The following TMPRSS5 variants were observed in gnomAD, a reference collection of about 807,000 sequenced individuals.
The protein encoded by TMPRSS5 is transmembrane serine protease 5, also known as transmembrane protease serine 5.
In TMPRSS5, 45 loss-of-function variants were observed where a neutral mutation model predicts 59.7. The ratio of observed to expected loss-of-function variants is 0.75; its 90% CI spans 0.59 to 0.97. The LOEUF (loss-of-function observed/expected upper bound fraction) is 0.97. Among genes scored for constraint, TMPRSS5 ranks in the 50% least tolerant of loss-of-function variants. The pLI, the probability that TMPRSS5 is intolerant of heterozygous loss-of-function variation, is 0.00. For synonymous variants in TMPRSS5, 225 were observed against 232.0 expected (o/e 0.97, Z 0.27); for missense variants, 585 against 596.7 (o/e 0.98, Z 0.20).
Position 113,698,934 on chromosome 11 carries a change from T to G in TMPRSS5, c.299A>C (p.Glu100Ala), listed in dbSNP as rs746678673. ...TTTGGGAAGTGCAGGGAGCAGAGCT[T>G]CCTCAGCGCTGGCCTCTGAGCAGCT... ...TLSCSEASAEEALLPALPKTV... is the reference protein window; with the variant it reads ...TLSCSEASAEAALLPALPKTV... The change falls in exon 4 of 13, where the codon GAA becomes GCA. Residue 100 changes from glutamate to alanine, a missense_variant. Coordinates refer to ENST00000299882, the MANE Select transcript of TMPRSS5 (RefSeq NM_030770.4). 12 of 1,594,156 alleles carry G rather than the reference T, an allele frequency of 7.5e-6. No individual in the cohort carries two copies. Among genetic ancestry groups the G allele is most frequent in the Admixed American group, 1.7e-5 (1 of 57,234 alleles).
At chr11:113,702,557 G>A (rs536266808) in intron 1 of TMPRSS5, among the ~76,000 whole-genome samples, 30 of 152,222 alleles carry the variant, frequency 2.0e-4, no homozygotes, top group Non-Finnish European at 3.7e-4. Flanking sequence ...GTAATGAAGA[G>A]CTAAATGTTA....
At chr11:113,697,567 G>A in intron 4 of TMPRSS5, 149 bp from the exon 5 acceptor site, 1 of 842,598 alleles carries the variant, frequency 1.2e-6, no homozygotes, top group Admixed American at 2.5e-5. Context: ...TCCCCGGAGA[G>A]TGAGACCAGT....
rs1227746786 is a variant in TMPRSS5 at position 113,690,850 on chromosome 11, G to A, written c.1054C>T (p.Pro352Ser). Residue 352 changes from proline to serine, a missense_variant, in exon 10 of 13, where the codon CCT (proline) becomes TCT (serine). Physicochemically the swap from Pro to Ser is moderately conservative, Grantham distance 74. Transcript: ENST00000299882. The part of the protein sequence containing the change: ...CWVSGWGHTH[P>S]SHTYSSDMLQ... ...CAGGGAGCTGACTCACTATGGCTAG[G>A]GTGGGTGTGGCCCCAGCCAGACACC... 1 of 1,587,348 alleles carries A rather than the reference G, an allele frequency of 6.3e-7. No individual in the cohort carries two copies. The highest frequency in any genetic ancestry group is 1.3e-5 in the African/African-American group (1 of 74,638).
intron 9 of TMPRSS5, among the ~76,000 whole-genome samples, chr11:113,692,294 G>A (rs925412904): frequency 6.6e-6 from 1 of 152,228 alleles, no homozygotes; most frequent in Non-Finnish European, 1.5e-5. Flanking sequence ...AATGACGGGA[G>A]GAAGGAGTGT....
At chr11:113,696,397 A>G (rs1952930186) in intron 6 of TMPRSS5, among the ~76,000 whole-genome samples, 1 of 151,978 alleles carries the variant, frequency 6.6e-6, no homozygotes, top group Admixed American at 6.5e-5. Context: ...ACTACAAGCA[A>G]CTCTTAGCCA....
intron 7 of TMPRSS5, 86 bp from the exon 8 acceptor site, chr11:113,694,726 T>C: frequency 7.4e-7 from 1 of 1,346,592 alleles, no homozygotes; most frequent in South Asian, 1.5e-5. Flanking sequence ...GGCCCAGTGC[T>C]AAGCCCCAGA....
intron 7 of TMPRSS5, 51 bp downstream of exon 7, chr11:113,695,349 G>GA: frequency 6.3e-7 from 1 of 1,593,146 alleles, no homozygotes; most frequent in Non-Finnish European, 8.6e-7. Flanking sequence ...GAGGCAGGGG[G>GA]AACACCCCTT....
At position 113,693,070 on chromosome 11, in the gene TMPRSS5, C is replaced by T; in HGVS notation, c.964+1G>A. The T allele has an allele frequency of 6.4e-7, 1 of 1,563,182 alleles. No individual in the cohort carries two copies. The highest frequency in any genetic ancestry group is 8.7e-7 in the Non-Finnish European group (1 of 1,153,220). ...TGCCCACCCTCAAGCCAGTGCCGCA[C>T]CTGAGAAGTTGAGAGCGGTCTGGAG... On this transcript the variant is annotated splice_donor_variant, in intron 9 of 12. Transcript: ENST00000299882. LOFTEE classifies it high-confidence loss of function.
chr11:113,697,771 A>ATGGATCCAGGACT (rs1952971006), intron 4 of TMPRSS5, among the ~76,000 whole-genome samples: 1 of 152,180 alleles, frequency 6.6e-6, no homozygotes, highest in Non-Finnish European at 1.5e-5. Context: ...TCAGGAAATG[A>ATGGATCCAGGACT]TGGATCCAGG....
chr11:113,697,115 A>T (rs1952950079), intron 5 of TMPRSS5, 144 bp from the exon 6 acceptor site: 1 of 1,231,844 alleles, frequency 8.1e-7, no homozygotes, highest in Admixed American at 2.0e-5. Context: ...CTCCAAACAG[A>T]GAAATGGGCT....
At chr11:113,704,757 G>T (rs544574540) in intron 1 of TMPRSS5, among the ~76,000 whole-genome samples, 110 of 151,542 alleles carry the variant, frequency 7.3e-4, no homozygotes, top group African/African-American at 2.4e-3. Context: ...GCCCTATATT[G>T]TGCTCATTTA....
At chr11:113,697,814 G>C (rs1158141231) in intron 4 of TMPRSS5, among the ~76,000 whole-genome samples, 1 of 152,110 alleles carries the variant, frequency 6.6e-6, no homozygotes, top group Non-Finnish European at 1.5e-5. Context: ...TTCAAATCTT[G>C]TGATAATAAT....
At chr11:113,702,079 T>A (rs980495148) in intron 1 of TMPRSS5, among the ~76,000 whole-genome samples, 1 of 152,208 alleles carries the variant, frequency 6.6e-6, no homozygotes, top group Non-Finnish European at 1.5e-5. Flanking sequence ...CTGAGAATAA[T>A]GGCTTCCAGC....
At chr11:113,699,517 T>A (rs1032500273) in intron 3 of TMPRSS5, 78 bp downstream of exon 3, 181 of 1,230,886 alleles carry the variant, frequency 1.5e-4, no homozygotes, top group Non-Finnish European at 1.9e-4. Context: ...AGTTGTCCCA[T>A]TTACCTTTAA....
chr11:113,704,058 T>G (rs931737114), intron 1 of TMPRSS5, among the ~76,000 whole-genome samples: 6 of 152,118 alleles, frequency 3.9e-5, no homozygotes, highest in African/African-American at 1.2e-4. Flanking sequence ...TGAAGAGGGT[T>G]TGAGCTGATA....
rs540292054 is a variant in TMPRSS5, at chr11:113,705,581, A to G, written c.3+641T>C. Among the ~76,000 whole-genome samples, 14 of 152,268 alleles carry G rather than the reference A, an allele frequency of 9.2e-5. No homozygotes were observed. In the South Asian group the frequency reaches 2.7e-3, roughly 29 times the overall value. On this transcript the variant is annotated intron_variant, in intron 1 of 12. Transcript: ENST00000299882. ...ATTCTTTCTTGTGCCTACAGATGAG[A>G]CTCACAGGACACAGGCAGTGAGGCT...
intron 1 of TMPRSS5, among the ~76,000 whole-genome samples, chr11:113,700,555 A>C (rs1953103744): frequency 6.6e-6 from 1 of 152,152 alleles, no homozygotes; most frequent in African/African-American, 2.4e-5. Flanking sequence ...TCTCAGAGGA[A>C]GAAGTGCCCC....
chr11:113,694,449 C>G (rs1253236645), intron 8 of TMPRSS5, 29 bp downstream of exon 8: 3 of 1,551,550 alleles, frequency 1.9e-6, no homozygotes, highest in Middle Eastern at 1.8e-4. Flanking sequence ...AACTGAGGCT[C>G]TCTGTCCTCA....
chr11:113,690,052 A>G, intron 11 of TMPRSS5, 135 bp from the exon 12 acceptor site: 1 of 1,259,060 alleles, frequency 7.9e-7, no homozygotes, highest in South Asian at 1.5e-5. Context: ...TGCTGGCCTC[A>G]CCCCTCCTTA....
Sources: allele counts gnomAD v4.1 joint callset (sites outside exome capture counted in the v4.1 genomes callset), GRCh38; gene constraint gnomAD v4.1.1; transcripts MANE v1.5; gene names NCBI Gene and HGNC (gene_info 2026-07-23, HGNC 2026-07-21).